SYT10: variants seen among roughly 807,000 people sequenced by gnomAD.
The protein encoded by SYT10 is synaptotagmin 10, also known as synaptotagmin-10.
SYT10 carries 31 observed loss-of-function variants against 51.1 expected under a neutral mutation model. The observed-to-expected ratio is 0.61, with a 90% CI of 0.46 to 0.82. SYT10 has a LOEUF of 0.82. SYT10 is among the 40% of genes least tolerant of loss of function. The pLI is 0.00. For synonymous variants in SYT10, 233 were observed against 225.9 expected, an observed-to-expected ratio of 1.03 and a Z score of -0.28; for missense variants, 603 against 634.0, an observed-to-expected ratio of 0.95 and a Z score of 0.53.
chr12:33,379,703 A>T, intron 6 of SYT10, 129 bp downstream of exon 6: 1 of 1,284,442 alleles, frequency 7.8e-7, no homozygotes, highest in Non-Finnish European at 1.1e-6. Flanking sequence ...GGACAAAAGC[A>T]AGAACAATCT....
At chr12:33,403,600 A>G (rs1866325329) in intron 3 of SYT10, among the ~76,000 whole-genome samples, 1 of 152,108 alleles carries the variant, frequency 6.6e-6, no homozygotes. Flanking sequence ...GTGTCTGCAT[A>G]GTTTGATTTG....
intron 3 of SYT10, chr12:33,405,544 A>T (rs1266113635): frequency 1.3e-5 from 2 of 152,106 alleles, no homozygotes; most frequent in African/African-American, 2.4e-5. Context: ...ATTTATCCAC[A>T]TAATTTACAA....
intron 4 of SYT10, among the ~76,000 whole-genome samples, chr12:33,383,821 C>T (rs557237909): frequency 7.9e-5 from 12 of 152,100 alleles, no homozygotes; most frequent in East Asian, 3.9e-4. Context: ...TGCGCTCCTC[C>T]GATGAAAAGT....
At position 33,383,916 on chromosome 12, in the gene SYT10, T is replaced by A. The variant is rs142957049; in HGVS notation, c.1198+1255A>T. Among the ~76,000 whole-genome samples the A allele has an allele frequency of 1.9e-3, 293 of 152,290 alleles. 1 individual carries two copies. Among genetic ancestry groups the A allele is most frequent in the African/African-American group, 6.6e-3 (273 of 41,568 alleles). ...TCAAAATTTGATCTCTTTTCATACA[T>A]GGTAAAAAGGAGTAGAATAAACAAT... On this transcript the variant is annotated intron_variant, in intron 4 of 6. Transcript: ENST00000228567.
rs1476913558 is a variant in SYT10, at chr12:33,376,013, A to G, written c.*817T>C. 2 of 152,582 alleles carry G rather than the reference A, an allele frequency of 1.3e-5. No individual in the cohort carries two copies. The highest frequency in any genetic ancestry group is 2.4e-5 in the African/African-American group (1 of 41,456). 9.5% of individuals were successfully genotyped at this position (152,582 alleles called of 1,614,324 possible). On this transcript the variant is annotated 3_prime_UTR_variant, in exon 7 of 7. Coordinates refer to ENST00000228567, the MANE Select transcript of SYT10 (RefSeq NM_198992.4). ...ACAAACACTTAAAAATTAACTTCTG[A>G]TTCTGTTCACTTAGAAATACTAATG...
chr12:33,396,079 A>G lies in SYT10; in HGVS notation c.1077+10710T>C, dbSNP rs147114512. 3.5e-3 allele frequency among the ~76,000 whole-genome samples: 538 copies of G among 152,258 alleles called. 1 individual carries two copies. Among genetic ancestry groups the G allele is most frequent in the African/African-American group, 0.012 (511 of 41,536 alleles). Reference sequence around the variant, plus strand: ...AGGATTAAACTTGGACTCTTTACCAATTCTAAAATAATGATTATATGATCT... The same window carrying G: ...AGGATTAAACTTGGACTCTTTACCAGTTCTAAAATAATGATTATATGATCT... On this transcript the variant is annotated intron_variant, in intron 3 of 6. Transcript: ENST00000228567.
At chr12:33,430,374 C>G (rs1866586878) in intron 1 of SYT10, among the ~76,000 whole-genome samples, 1 of 152,148 alleles carries the variant, frequency 6.6e-6, no homozygotes, top group Non-Finnish European at 1.5e-5. Context: ...TTTAGCATAG[C>G]AGAACTTTGC....
intron 2 of SYT10, among the ~76,000 whole-genome samples, chr12:33,420,665 C>A (rs1442593845): frequency 1.3e-5 from 2 of 151,890 alleles, no homozygotes; most frequent in African/African-American, 4.8e-5. Flanking sequence ...ACAACAACAA[C>A]AACAGCAAAA....
intron 4 of SYT10, among the ~76,000 whole-genome samples, chr12:33,384,402 T>A (rs1449141122): frequency 6.6e-6 from 1 of 152,146 alleles, no homozygotes; most frequent in African/African-American, 2.4e-5. Flanking sequence ...AAATTATAGA[T>A]CTTCCCCAAA....
intron 2 of SYT10, among the ~76,000 whole-genome samples, chr12:33,408,879 C>G (rs1565495774): frequency 6.6e-6 from 1 of 152,018 alleles, no homozygotes; most frequent in African/African-American, 2.4e-5. Flanking sequence ...GAATCATTCT[C>G]CCTTTACCCA....
chr12:33,410,236 G>C (rs144490992), intron 2 of SYT10, among the ~76,000 whole-genome samples: 3 of 152,132 alleles, frequency 2.0e-5, no homozygotes, highest in African/African-American at 7.2e-5. Flanking sequence ...TCAATATTAT[G>C]TGCATTAATA....
At position 33,374,665 on chromosome 12, in the gene SYT10, C is replaced by A. The variant is rs1866048425; in HGVS notation, c.*2165G>T. ...TTCTCAGGATTAACACATATCCTTG[C>A]ATGATGAGTTTATTCTAACTTCAAG... On this transcript the variant is annotated 3_prime_UTR_variant, in exon 7 of 7. Transcript: ENST00000228567. 1 of 151,922 alleles carries A rather than the reference C, an allele frequency of 6.6e-6. No individual in the cohort carries two copies. The allele number at this position is 151,922 out of a possible 1,614,324, so 9.4% of individuals were successfully genotyped here.
chr12:33,412,947 C>A (rs547207039), intron 2 of SYT10, among the ~76,000 whole-genome samples: 15 of 152,178 alleles, frequency 9.9e-5, no homozygotes, highest in Admixed American at 3.9e-4. Context: ...AAAGATTAGA[C>A]GAATGGCTAA....
At chr12:33,438,255 A>C (rs1866654006) in intron 1 of SYT10, among the ~76,000 whole-genome samples, 1 of 152,146 alleles carries the variant, frequency 6.6e-6, no homozygotes, top group Non-Finnish European at 1.5e-5. Context: ...CAACTCTTAA[A>C]ATCCCGCCAG....
At chr12:33,386,634 T>C (rs1442728430) in intron 3 of SYT10, among the ~76,000 whole-genome samples, 1 of 152,200 alleles carries the variant, frequency 6.6e-6, no homozygotes, top group Non-Finnish European at 1.5e-5. Context: ...CTTCATATCC[T>C]ATACTCACCT....
chr12:33,439,331 C>T (rs371022214), intron 1 of SYT10, 41 bp downstream of exon 1: 71 of 1,588,880 alleles, frequency 4.5e-5, no homozygotes, highest in Non-Finnish European at 5.8e-5. Flanking sequence ...GCGCGGGGTC[C>T]CAGCGGAGCG....
At chr12:33,415,440 A>T (rs1565497146) in intron 2 of SYT10, among the ~76,000 whole-genome samples, 1 of 151,962 alleles carries the variant, frequency 6.6e-6, no homozygotes, top group Non-Finnish European at 1.5e-5. Context: ...GTCTAAAAAG[A>T]CCCCCTGACT....
At chr12:33,424,618 C>T (rs73089932) in intron 2 of SYT10, among the ~76,000 whole-genome samples, 75 of 151,968 alleles carry the variant, frequency 4.9e-4, no homozygotes, top group Middle Eastern at 6.8e-3. Flanking sequence ...ATAGGTATAG[C>T]GAGACCAATG....
chr12:33,400,576 T>C (rs1465292592), intron 3 of SYT10, among the ~76,000 whole-genome samples: 1 of 70,936 alleles, frequency 1.4e-5, no homozygotes, highest in Non-Finnish European at 2.3e-5. Context: ...ACACAGTTGG[T>C]GCAAAAAAAA....
Sources: gnomAD v4.1 joint callset for allele counts (sites outside exome capture counted in the v4.1 genomes callset) on GRCh38, gnomAD v4.1.1 for gene constraint, MANE v1.5 for transcripts, NCBI Gene and HGNC (gene_info 2026-07-23, HGNC 2026-07-21) for gene names.